TOPAZ1: variants seen among roughly 807,000 people sequenced by gnomAD.
The protein encoded by TOPAZ1 is testis and ovary specific TOPAZ 1.
A neutral mutation model predicts 172.2 loss-of-function variants in TOPAZ1; 66 were observed. That is an observed-to-expected ratio of 0.38 (90% confidence interval 0.31 to 0.47). TOPAZ1 has a LOEUF of 0.47. Among genes scored for constraint, TOPAZ1 ranks in the 20% least tolerant of loss-of-function variants. The probability of loss-of-function intolerance (pLI) is 0.99; values close to 1 mark genes in which losing one functional copy is unlikely to be tolerated. For missense variants in TOPAZ1, 1,822 were observed against 1,972.4 expected, an observed-to-expected ratio of 0.92 and a Z score of 1.44; for synonymous variants, 681 against 683.9, an observed-to-expected ratio of 1.00 and a Z score of 0.07.
At chr3:44,248,081 T>A (rs1345031381) in intron 2 of TOPAZ1, among the ~76,000 whole-genome samples, 1 of 152,272 alleles carries the variant, frequency 6.6e-6, no homozygotes, top group Non-Finnish European at 1.5e-5. Flanking sequence ...GAGCAGGTTG[T>A]CTGTGTGTAA....
intron 4 of TOPAZ1, 85 bp downstream of exon 4, chr3:44,256,363 G>A: frequency 7.6e-7 from 1 of 1,313,436 alleles, no homozygotes; most frequent in Non-Finnish European, 1.0e-6. Context: ...GCTATCGGGT[G>A]GCAAGTGTAA....
chr3:44,308,726 T>C (rs538228537), intron 15 of TOPAZ1, among the ~76,000 whole-genome samples: 1 of 152,240 alleles, frequency 6.6e-6, no homozygotes, highest in East Asian at 1.9e-4. Context: ...GAATTTTATC[T>C]ATTTTAATTA....
intron 5 of TOPAZ1, among the ~76,000 whole-genome samples, chr3:44,264,182 A>G (rs993240924): frequency 3.3e-5 from 5 of 152,060 alleles, no homozygotes; most frequent in Admixed American, 6.6e-5. Context: ...TCCTTCCTCT[A>G]CTCCAACCAC....
At position 44,267,005 on chromosome 3, in the gene TOPAZ1, C is replaced by G. The variant is rs1395488612; in HGVS notation, c.3029C>G (p.Ser1010Cys). The change falls in exon 6 of 20, where the codon TCT becomes TGT. Residue 1010 changes from serine (S) to cysteine (C), a missense_variant. Ser to Cys is a moderately radical substitution (Grantham distance 112, BLOSUM62 -1). Around this residue, in one of 2 missense-constraint regions of TOPAZ1, gnomAD observed 1,489 missense variants for 1,490.8 expected, o/e 1.00. Coordinates refer to ENST00000309765, the MANE Select transcript of TOPAZ1 (RefSeq NM_001145030.2). ...TTTTTCCTTTCACACAGCAAAGATT[C>G]TAGAAATGCAGACTTTATGGTCGGC... ...NIYEVCKSKD[S>C]RNADFMVGEC... The G allele has an allele frequency of 6.5e-7, 1 of 1,538,848 alleles. No homozygotes were observed. Among genetic ancestry groups the G allele is most frequent in the East Asian group, 2.5e-5 (1 of 40,638 alleles).
chr3:44,318,785 A>T (rs1700479117), intron 16 of TOPAZ1, among the ~76,000 whole-genome samples: 1 of 147,810 alleles, frequency 6.8e-6, no homozygotes, highest in Non-Finnish European at 1.5e-5. Flanking sequence ...TATGTATTTT[A>T]TATATATAAT....
chr3:44,280,286 CCTTTT>C (rs1381607637), intron 8 of TOPAZ1, among the ~76,000 whole-genome samples: 3 of 147,566 alleles, frequency 2.0e-5, no homozygotes, highest in Non-Finnish European at 3.0e-5. Flanking sequence ...CCTTTCCTTT[CCTTTT>C]CTTTCCTTTC....
In TOPAZ1 at chr3:44,245,218, A is replaced by G. The variant is rs1266644626; in HGVS notation, c.2712A>G (p.Thr904=). The change falls in exon 2 of 20, where the codon ACA becomes ACG. Residue 904 remains threonine, a synonymous_variant. Transcript: ENST00000309765. The part of the protein sequence containing the change: ...EPNVAGEHQS[T]DSKYMETPVK... ...ATGTTGCTGGAGAGCACCAATCAACAGACTCCAAGTACATGGAAACTCCAG... is the reference window on the plus strand; with the variant it reads ...ATGTTGCTGGAGAGCACCAATCAACGGACTCCAAGTACATGGAAACTCCAG... The G allele has an allele frequency of 6.5e-7, 1 of 1,550,360 alleles. No homozygotes were observed. Among genetic ancestry groups the G allele is most frequent in the East Asian group, 2.4e-5 (1 of 40,892 alleles).
chr3:44,310,273 C>T (rs1209896322), intron 16 of TOPAZ1, among the ~76,000 whole-genome samples: 1 of 152,112 alleles, frequency 6.6e-6, no homozygotes, highest in Admixed American at 6.6e-5. Flanking sequence ...GCCAAGGCAG[C>T]GGATCACCTG....
Position 44,291,617 on chromosome 3 carries a change from A to T in TOPAZ1, c.3797+731A>T, listed in dbSNP as rs185953692. Among the ~76,000 whole-genome samples, 15 of 151,944 alleles carry T rather than the reference A, an allele frequency of 9.9e-5. No homozygotes were observed. In the East Asian group the frequency reaches 2.9e-3, roughly 29 times the overall value. On this transcript the variant is annotated intron_variant, in intron 12 of 19. Transcript: ENST00000309765. ...CAAAAATAAATAAATAAATAAATAA[A>T]AACTGAAAAAAAAACTCTAACAATT...
chr3:44,284,308 C>G (rs1700055544), intron 9 of TOPAZ1, among the ~76,000 whole-genome samples: 1 of 152,144 alleles, frequency 6.6e-6, no homozygotes. Context: ...AACCTCTAAT[C>G]TACTTTCTGG....
chr3:44,266,902 AT>A (rs1343047252), intron 5 of TOPAZ1, 94 bp from the exon 6 acceptor site: 3 of 973,056 alleles, frequency 3.1e-6, no homozygotes, highest in African/African-American at 3.4e-5. Context: ...AAAATAAAAA[AT>A]TTTTTTAAAA....
Position 44,257,469 on chromosome 3 carries a change from AGTGTGTGT to A in TOPAZ1, c.2955+1225_2955+1232del, listed in dbSNP as rs10523650. 6.0e-3 allele frequency among the ~76,000 whole-genome samples: 680 copies of A among 113,826 alleles called. 13 individuals are homozygous for A. Among genetic ancestry groups the A allele is most frequent in the African/African-American group, 0.018 (510 of 27,644 alleles). The allele number at this position is 113,826 out of a possible 152,430, so 74.7% of individuals were successfully genotyped here. On this transcript the variant is annotated intron_variant, in intron 4 of 19. Coordinates refer to ENST00000309765, the MANE Select transcript of TOPAZ1 (RefSeq NM_001145030.2). ...GTGTATCTATTTTATATATATATAT[AGTGTGTGT>A]GTGTGTGTGTGTGTGTGTGTGTGTG... is the stretch of plus-strand genomic sequence containing the variant.
chr3:44,293,799 A>G (rs1217152666), intron 12 of TOPAZ1, among the ~76,000 whole-genome samples: 1 of 152,234 alleles, frequency 6.6e-6, no homozygotes, highest in Non-Finnish European at 1.5e-5. Flanking sequence ...TATTCAGTAC[A>G]ATAACATGCT....
intron 16 of TOPAZ1, among the ~76,000 whole-genome samples, chr3:44,313,548 C>A (rs1332663032): frequency 6.8e-6 from 1 of 146,842 alleles, no homozygotes; most frequent in Non-Finnish European, 1.5e-5. Flanking sequence ...ACCCGGGAGG[C>A]GGAGCTTGCA....
chr3:44,259,889 T>G (rs981950428), intron 4 of TOPAZ1, among the ~76,000 whole-genome samples: 1 of 152,230 alleles, frequency 6.6e-6, no homozygotes, highest in Admixed American at 6.5e-5. Flanking sequence ...TGATATGGTT[T>G]GGCCGTGGTC....
intron 16 of TOPAZ1, among the ~76,000 whole-genome samples, chr3:44,318,497 G>A (rs1389171899): frequency 2.0e-5 from 3 of 150,916 alleles, no homozygotes; most frequent in African/African-American, 4.9e-5. Context: ...TGGGGGGTGG[G>A]GGAGTGGGGC....
intron 3 of TOPAZ1, 36 bp from the exon 4 acceptor site, chr3:44,256,115 T>C (rs758175532): frequency 5.1e-5 from 73 of 1,444,560 alleles, no homozygotes; most frequent in Non-Finnish European, 6.5e-5. Flanking sequence ...TATTTTGTCT[T>C]TAAAGTTTCT....
intron 6 of TOPAZ1, among the ~76,000 whole-genome samples, chr3:44,267,414 T>C (rs1699842996): frequency 1.3e-5 from 2 of 151,370 alleles, no homozygotes; most frequent in Admixed American, 1.3e-4. Context: ...CCTGCCTCAG[T>C]CTCCTGAGTG....
Position 44,243,587 on chromosome 3 carries a change from C to T in TOPAZ1, c.1081C>T (p.Gln361Ter). Reference sequence around the variant, plus strand: ...GTATAACAAGTCTGAGTTGATGTTGCAAGAAAATCAAATGATTGCTGATGG... The same window carrying T: ...GTATAACAAGTCTGAGTTGATGTTGTAAGAAAATCAAATGATTGCTGATGG... The part of the protein sequence containing the change: ...NEYNKSELML[Q>*]ENQMIADGKE... The change falls in exon 2 of 20, where the codon CAA (glutamine) becomes TAA (stop). Residue 361 changes from glutamine to a stop codon, truncating the protein, a stop_gained. Coordinates refer to ENST00000309765, the MANE Select transcript of TOPAZ1 (RefSeq NM_001145030.2). LOFTEE classifies it high-confidence loss of function. The T allele has an allele frequency of 6.4e-7, 1 of 1,550,696 alleles. No homozygotes were observed. The highest frequency in any genetic ancestry group is 8.7e-7 in the Non-Finnish European group (1 of 1,146,948).
Sources: gnomAD v4.1 joint callset for allele counts (sites outside exome capture counted in the v4.1 genomes callset) on GRCh38, gnomAD v4.1.1 for gene constraint, gnomAD v4.1.1 regional missense constraint, MANE v1.5 for transcripts, NCBI Gene and HGNC (gene_info 2026-07-23, HGNC 2026-07-21) for gene names.